Variants in MTREX observed in about 807,000 individuals in gnomAD.
MTREX encodes the protein Mtr4 exosome RNA helicase, also known as exosome RNA helicase MTR4.
Under a neutral mutation model 135.4 loss-of-function variants are expected in MTREX, and 76 were observed. That is an observed-to-expected ratio of 0.56 (90% CI 0.47 to 0.68). The LOEUF is 0.68. Ranked by LOEUF, MTREX falls within the 30% of genes least tolerant of loss-of-function variation. The probability of loss-of-function intolerance (pLI) is 0.00; values close to 1 mark genes in which losing one functional copy is unlikely to be tolerated. For synonymous variants in MTREX, 404 were observed against 401.6 expected, an observed-to-expected ratio of 1.01 and a Z score of -0.07; for missense variants, 920 against 1,262.1, an observed-to-expected ratio of 0.73 and a Z score of 4.11.
In MTREX at chr5:55,397,353, G is replaced by A. The variant is rs1428918964; in HGVS notation, c.2182-63G>A. 2.9e-6 allele frequency: 3 copies of A among 1,041,448 alleles called. No individual in the cohort carries two copies. The Admixed American group carries it at 6.0e-5, about 21-fold the overall frequency. The allele number at this position is 1,041,448 out of a possible 1,614,324, so 64.5% of individuals were successfully genotyped here. Reference sequence around the variant, plus strand: ...TTCCTCTTTAGGGATCCAAGTTTAGGAAATAGTAGAATATGAACATGTGCA... The same window carrying A: ...TTCCTCTTTAGGGATCCAAGTTTAGAAAATAGTAGAATATGAACATGTGCA... On this transcript the variant is annotated intron_variant, in intron 19 of 26. Coordinates refer to ENST00000230640, the MANE Select transcript of MTREX (RefSeq NM_015360.5).
chr5:55,353,672 G>C (rs1367422657), intron 14 of MTREX, among the ~76,000 whole-genome samples: 2 of 152,026 alleles, frequency 1.3e-5, no homozygotes, highest in African/African-American at 2.4e-5. Flanking sequence ...CACTGTACTC[G>C]AGCCTTGAGG....
At chr5:55,373,457 C>A (rs995763368) in intron 16 of MTREX, among the ~76,000 whole-genome samples, 6 of 152,018 alleles carry the variant, frequency 3.9e-5, no homozygotes, top group Admixed American at 3.3e-4. Flanking sequence ...AGGAAGGAAA[C>A]AAAAATTTAT....
Position 55,400,428 on chromosome 5 carries a change from C to T in MTREX, c.2481+7C>T, listed in dbSNP as rs1241721641. The T allele has an allele frequency of 1.9e-6, 3 of 1,556,562 alleles. No homozygotes were observed. Among genetic ancestry groups the T allele is most frequent in the Non-Finnish European group, 8.7e-7 (1 of 1,147,714 alleles). On this transcript the variant is annotated splice_region_variant and intron_variant, in intron 21 of 26. Coordinates refer to ENST00000230640, the MANE Select transcript of MTREX (RefSeq NM_015360.5). ...TTGTGAAAAAAAAGCACAGGTATGG[C>T]AGAAATTTGGTTTTTATAGTAGAAT...
intron 11 of MTREX, among the ~76,000 whole-genome samples, chr5:55,349,183 C>CTTT (rs1749785002): frequency 7.1e-6 from 1 of 139,890 alleles, no homozygotes; most frequent in African/African-American, 2.8e-5. Flanking sequence ...TCTTTAAAGA[C>CTTT]TCTTTTTTTT....
intron 17 of MTREX, 81 bp downstream of exon 17, chr5:55,378,567 T>C: frequency 1.4e-6 from 2 of 1,402,972 alleles, no homozygotes; most frequent in Non-Finnish European, 1.9e-6. Context: ...ATTTATTTTT[T>C]ATTCTGATAA....
At chr5:55,412,602 A>G (rs1336430778) in intron 23 of MTREX, among the ~76,000 whole-genome samples, 2 of 152,222 alleles carry the variant, frequency 1.3e-5, no homozygotes, top group Non-Finnish European at 2.9e-5. Flanking sequence ...ACTATTTTAA[A>G]TAAGATGATT....
At chr5:55,347,241 T>C (rs1266455902) in intron 11 of MTREX, 97 bp downstream of exon 11, 5 of 1,242,730 alleles carry the variant, frequency 4.0e-6, no homozygotes, top group Non-Finnish European at 5.6e-6. Flanking sequence ...TACTAGGATA[T>C]GCCATTCACC....
chr5:55,371,876 C>CT (rs1017546606), intron 16 of MTREX, among the ~76,000 whole-genome samples: 2 of 151,960 alleles, frequency 1.3e-5, no homozygotes, highest in African/African-American at 4.8e-5. Flanking sequence ...GTCCTGGACT[C>CT]TAACTACAAA....
rs539360079 is a variant in MTREX at position 55,318,535 on chromosome 5, C to T, written c.135-3792C>T. On this transcript the variant is annotated intron_variant, in intron 1 of 26. Transcript: ENST00000230640. The stretch of plus-strand genomic sequence containing the variant: ...AATGCAGGAACAGAAAACCAAATAC[C>T]GCATGTTCTCGCTTATAAATGGGAG... 1.8e-4 allele frequency among the ~76,000 whole-genome samples: 28 copies of T among 152,242 alleles called. 1 individual carries two copies. In the South Asian group the frequency reaches 4.3e-3, roughly 24 times the overall value.
At chr5:55,363,015 A>G (rs1750042906) in intron 15 of MTREX, among the ~76,000 whole-genome samples, 1 of 152,220 alleles carries the variant, frequency 6.6e-6, no homozygotes, top group Admixed American at 6.5e-5. Context: ...GAGTACATAA[A>G]GTGCTCATTT....
At chr5:55,406,805 A>G (rs1271092079) in intron 22 of MTREX, among the ~76,000 whole-genome samples, 1 of 152,218 alleles carries the variant, frequency 6.6e-6, no homozygotes, top group East Asian at 1.9e-4. Flanking sequence ...GGCAGTCTTT[A>G]TAGATCAGTG....
intron 14 of MTREX, among the ~76,000 whole-genome samples, chr5:55,355,213 T>A (rs573670209): frequency 2.0e-5 from 3 of 152,244 alleles, no homozygotes; most frequent in Admixed American, 2.0e-4. Flanking sequence ...TGTGCAGTGA[T>A]CACTCCCAGG....
chr5:55,400,009 C>T (rs1750699366), intron 20 of MTREX, among the ~76,000 whole-genome samples: 1 of 152,084 alleles, frequency 6.6e-6, no homozygotes, highest in Non-Finnish European at 1.5e-5. Flanking sequence ...GATTTATTAA[C>T]AAATCATAAT....
intron 16 of MTREX, among the ~76,000 whole-genome samples, chr5:55,368,909 A>T (rs1035232146): frequency 1.3e-5 from 2 of 152,182 alleles, no homozygotes; most frequent in Admixed American, 1.3e-4. Flanking sequence ...AATTTTTTTT[A>T]AAAACCTTAT....
chr5:55,358,090 A>G (rs1241567654), intron 14 of MTREX, among the ~76,000 whole-genome samples: 1 of 152,170 alleles, frequency 6.6e-6, no homozygotes, highest in East Asian at 1.9e-4. Context: ...TAATCCCAGC[A>G]CTTTGGGAGG....
chr5:55,377,234 G>A (rs1003623319), intron 16 of MTREX, among the ~76,000 whole-genome samples: 1 of 152,188 alleles, frequency 6.6e-6, no homozygotes, highest in Non-Finnish European at 1.5e-5. Context: ...GGCTGAAGCA[G>A]GAGAGTGGTG....
intron 21 of MTREX, among the ~76,000 whole-genome samples, chr5:55,404,679 A>G (rs1234793438): frequency 6.6e-6 from 1 of 151,806 alleles, no homozygotes; most frequent in African/African-American, 2.4e-5. Flanking sequence ...TAAATTCACC[A>G]CTGACTTTTT....
At chr5:55,320,130 G>A (rs761338956) in intron 1 of MTREX, among the ~76,000 whole-genome samples, 9 of 152,064 alleles carry the variant, frequency 5.9e-5, no homozygotes, top group Non-Finnish European at 1.2e-4. Context: ...ACAAATTTTA[G>A]GTTTTGCTAG....
At chr5:55,407,467 A>C (rs193093842) in intron 22 of MTREX, among the ~76,000 whole-genome samples, 7 of 152,286 alleles carry the variant, frequency 4.6e-5, no homozygotes, top group African/African-American at 1.7e-4. Context: ...AGATATCTAC[A>C]ACTAGATTTT....
Sources: gnomAD v4.1 joint callset for allele counts (sites outside exome capture counted in the v4.1 genomes callset) on GRCh38, gnomAD v4.1.1 for gene constraint, MANE v1.5 for transcripts, NCBI Gene and HGNC (gene_info 2026-07-23, HGNC 2026-07-21) for gene names.